Variants in GJA5 observed in about 807,000 individuals in gnomAD.
The protein encoded by GJA5 is gap junction alpha-5 protein.
A neutral mutation model predicts 7.9 loss-of-function variants in GJA5; 3 were observed. That is an observed-to-expected ratio of 0.38 (90% CI 0.17 to 0.99). The LOEUF (loss-of-function observed/expected upper bound fraction) is 0.99. Among genes scored for constraint, GJA5 ranks in the 50% least tolerant of loss-of-function variants. The pLI, the probability that GJA5 is intolerant of heterozygous loss-of-function variation, is 0.38. For missense variants in GJA5, 390 were observed against 457.9 expected (o/e 0.85, Z 1.35); for synonymous variants, 193 against 181.0 (o/e 1.07, Z -0.53).
In GJA5 at chr1:147,758,719, T is replaced by C. The variant is rs375385428; in HGVS notation, c.520A>G (p.Ile174Val). The change falls in exon 2 of 2, where the codon ATC (isoleucine) becomes GTC (valine). Residue 174 changes from isoleucine (I) to valine (V), a missense_variant. Ile to Val is a conservative substitution (Grantham distance 29). This residue lies in a region of GJA5 where 354 missense variants were observed against 370.9 expected (regional missense o/e 0.95). Transcript: ENST00000579774. Reference sequence around the variant, plus strand: ...AGGGTGGTCAGGAAGATTCCGTAGATGAAGTACTGGCCCACAATGAAGCCC... The same window carrying C: ...AGGGTGGTCAGGAAGATTCCGTAGACGAAGTACTGGCCCACAATGAAGCCC... The part of the protein sequence containing the change: ...EVGFIVGQYF[I>V]YGIFLTTLHV... 6.2e-7 allele frequency: 1 copy of C among 1,614,056 alleles called. No homozygotes were observed. Among genetic ancestry groups the C allele is most frequent in the African/African-American group, 1.3e-5 (1 of 74,934 alleles).
In GJA5 at chr1:147,758,978, C is replaced by A. The variant is rs782281038; in HGVS notation, c.261G>T (p.Thr87=). 4 of 1,614,140 alleles carry A rather than the reference C, an allele frequency of 2.5e-6. No homozygotes were observed. Among genetic ancestry groups the A allele is most frequent in the Non-Finnish European group, 3.4e-6 (4 of 1,180,022 alleles). Residue 87 remains threonine, a synonymous_variant, in exon 2 of 2, where the codon ACG becomes ACT. Transcript: ENST00000579774. The part of the protein sequence containing the change: ...YWVLQIIFVS[T]PSLVYMGHAM... The stretch of plus-strand genomic sequence containing the variant: ...CGTGGCCCATGTACACCAGAGAGGG[C>A]GTGGAGACGAAGATGATCTGCAGCA...
chr1:147,761,855 GA>G (rs1274541304), upstream of GJA5, among the ~76,000 whole-genome samples: 3 of 152,190 alleles, frequency 2.0e-5, no homozygotes, highest in Non-Finnish European at 4.4e-5. Context: ...AAGAAGAGAA[GA>G]AAAGGGAAGG....
chr1:147,759,358 G>C, intron 1 of GJA5, 87 bp from the exon 2 acceptor site: 6 of 784,534 alleles, frequency 7.6e-6, no homozygotes, highest in Non-Finnish European at 1.3e-5. Context: ...GGATTCCACT[G>C]ATCCATCCAT....
At chr1:147,767,919 C>T (rs587669236) in intron 1 of GJA5, among the ~76,000 whole-genome samples, 9 of 152,308 alleles carry the variant, frequency 5.9e-5, no homozygotes, top group South Asian at 2.1e-4. Context: ...GATCATTGTT[C>T]GGATAGGGAG....
At chr1:147,769,402 C>A (rs899691419) in intron 1 of GJA5, among the ~76,000 whole-genome samples, 2 of 152,196 alleles carry the variant, frequency 1.3e-5, no homozygotes, top group African/African-American at 4.8e-5. Flanking sequence ...AGTAGTGTAA[C>A]CCTAGGCAAG....
chr1:147,758,161 G>A lies in GJA5; in HGVS notation c.*1C>T, dbSNP rs782211734. 7 of 1,592,540 alleles carry A rather than the reference G, an allele frequency of 4.4e-6. No individual in the cohort carries two copies. The highest frequency in any genetic ancestry group is 5.2e-6 in the Non-Finnish European group (6 of 1,160,444). ...GGTCCTGATCCTCCCATAAAGGAGGGTCACACTGATAGGTCATCTGACCTT... is the reference window on the plus strand; with the variant it reads ...GGTCCTGATCCTCCCATAAAGGAGGATCACACTGATAGGTCATCTGACCTT... On this transcript the variant is annotated 3_prime_UTR_variant, in exon 2 of 2. Coordinates refer to ENST00000579774, the MANE Select transcript of GJA5 (RefSeq NM_181703.4).
chr1:147,770,979 T>C (rs1664374986), intron 1 of GJA5, among the ~76,000 whole-genome samples: 1 of 152,174 alleles, frequency 6.6e-6, no homozygotes, highest in African/African-American at 2.4e-5. Context: ...TTGGTGCTTA[T>C]GGGAGTTCAT....
At chr1:147,767,185 G>A (rs1207955894) in intron 1 of GJA5, among the ~76,000 whole-genome samples, 3 of 152,034 alleles carry the variant, frequency 2.0e-5, no homozygotes, top group African/African-American at 7.3e-5. Context: ...AGTAATCTTT[G>A]TTATCCTTTG....
rs1557941213 is a variant in GJA5 at position 147,756,982 on chromosome 1, C to T, written c.*1180G>A. The T allele has an allele frequency of 1.3e-5, 2 of 152,346 alleles. No homozygotes were observed. The highest frequency in any genetic ancestry group is 3.9e-4 in the East Asian group (2 of 5,190). The allele number at this position is 152,346 out of a possible 1,614,324, so 9.4% of individuals were successfully genotyped here. On this transcript the variant is annotated 3_prime_UTR_variant, in exon 2 of 2. Coordinates refer to ENST00000579774, the MANE Select transcript of GJA5 (RefSeq NM_181703.4). ...TTCCCCTACTATTTCCTTGCCCCTGCTAAAGCCTCCAGGAGAGAGAGATCT... is the reference window on the plus strand; with the variant it reads ...TTCCCCTACTATTTCCTTGCCCCTGTTAAAGCCTCCAGGAGAGAGAGATCT...
chr1:147,772,144 G>T (rs1366295727), intron 1 of GJA5, among the ~76,000 whole-genome samples: 2 of 152,050 alleles, frequency 1.3e-5, no homozygotes, highest in African/African-American at 2.4e-5. Flanking sequence ...TCCCTGTTCG[G>T]TGCTCTTTGC....
At chr1:147,766,301 T>C (rs1664199660) in intron 1 of GJA5, among the ~76,000 whole-genome samples, 1 of 152,198 alleles carries the variant, frequency 6.6e-6, no homozygotes, top group South Asian at 2.1e-4. Flanking sequence ...TGGTATGTAC[T>C]TTATAAAAAC....
chr1:147,760,444 C>G (rs1553227262), intron 1 of GJA5, 55 bp downstream of exon 1: 1 of 152,506 alleles, frequency 6.6e-6, no homozygotes, highest in African/African-American at 2.4e-5. Flanking sequence ...CCAGCCCTCC[C>G]TCCTCCCTCA....
At chr1:147,769,399 T>C (rs1664319567) in intron 1 of GJA5, among the ~76,000 whole-genome samples, 2 of 152,220 alleles carry the variant, frequency 1.3e-5, no homozygotes, top group African/African-American at 4.8e-5. Context: ...TCTAGTAGTG[T>C]AACCCTAGGC....
At chr1:147,763,263 C>T (rs1664085672), upstream of GJA5, among the ~76,000 whole-genome samples, 1 of 152,180 alleles carries the variant, frequency 6.6e-6, no homozygotes. Flanking sequence ...GAGGATACAG[C>T]AGGAAGGAGG....
intron 1 of GJA5, among the ~76,000 whole-genome samples, chr1:147,766,593 C>T (rs193110335): frequency 1.9e-4 from 29 of 152,252 alleles, no homozygotes; most frequent in Non-Finnish European, 2.8e-4. Flanking sequence ...ATGAATGTGT[C>T]TCAAGCAGAA....
Position 147,759,174 on chromosome 1 carries a change from C to T in GJA5, c.65G>A (p.Gly22Asp). 1 of 1,614,022 alleles carries T rather than the reference C, an allele frequency of 6.2e-7. No homozygotes were observed. Among genetic ancestry groups the T allele is most frequent in the Non-Finnish European group, 8.5e-7 (1 of 1,179,924 alleles). ...GAAGAGGACAGTGAGCCAGACCTTG[C>T]CTACCACGGTCGAGTGCTTGTGTAC... ...EEVHKHSTVVGKVWLTVLFIF... is the reference protein window; with the variant it reads ...EEVHKHSTVVDKVWLTVLFIF... The change falls in exon 2 of 2, where the codon GGC (glycine) becomes GAC (aspartate). Residue 22 changes from glycine (G) to aspartate (D), a missense_variant. This residue lies in a region of GJA5 where 36 missense variants were observed against 87.1 expected (regional missense o/e 0.41). Coordinates refer to ENST00000579774, the MANE Select transcript of GJA5 (RefSeq NM_181703.4).
In GJA5 at chr1:147,756,786, T is replaced by A. The variant is rs1189783921; in HGVS notation, c.*1376A>T. 6.6e-6 allele frequency: 1 copy of A among 152,234 alleles called. No individual in the cohort carries two copies. The highest frequency in any genetic ancestry group is 2.4e-5 in the African/African-American group (1 of 41,424). 9.4% of individuals were successfully genotyped at this position (152,234 alleles called of 1,614,324 possible). A position where few individuals can be genotyped will look rare whatever the true frequency, so the allele number is the denominator to read the frequency against. On this transcript the variant is annotated 3_prime_UTR_variant, in exon 2 of 2. Transcript: ENST00000579774. ...CAATTCCAAGCATCGTTTACCTTCATCCAAAACAACAGCAACCCATTATGG... is the reference window on the plus strand; with the variant it reads ...CAATTCCAAGCATCGTTTACCTTCAACCAAAACAACAGCAACCCATTATGG...
At chr1:147,772,716 C>A (rs144051373) in intron 1 of GJA5, among the ~76,000 whole-genome samples, 53 of 147,158 alleles carry the variant, frequency 3.6e-4, no homozygotes, top group Non-Finnish European at 4.9e-4. Context: ...GTGGCCACTG[C>A]ACAGCGGGGA....
At chr1:147,765,784 A>G (rs1553228105) in intron 1 of GJA5, among the ~76,000 whole-genome samples, 1 of 152,104 alleles carries the variant, frequency 6.6e-6, no homozygotes, top group Non-Finnish European at 1.5e-5. Flanking sequence ...GAAGCCTCCA[A>G]ATGGGGTTGG....
Sources: gnomAD v4.1 joint callset for allele counts (sites outside exome capture counted in the v4.1 genomes callset) on GRCh38, gnomAD v4.1.1 for gene constraint, gnomAD v4.1.1 regional missense constraint, MANE v1.5 for transcripts, NCBI Gene and HGNC (gene_info 2026-07-23, HGNC 2026-07-21) for gene names.